ETNPPL: variants seen among roughly 807,000 people sequenced by gnomAD.
The protein encoded by ETNPPL is ethanolamine-phosphate phospho-lyase.
In ETNPPL, 30 loss-of-function variants were observed where a neutral mutation model predicts 55.5. That is an observed-to-expected ratio of 0.54 (90% CI 0.40 to 0.73). The LOEUF (loss-of-function observed/expected upper bound fraction) is 0.73. ETNPPL is among the 30% of genes least tolerant of loss of function. The pLI, the probability that ETNPPL is intolerant of heterozygous loss-of-function variation, is 0.00. For synonymous variants in ETNPPL, 202 were observed against 207.2 expected, an observed-to-expected ratio of 0.98 and a Z score of 0.21; for missense variants, 528 against 607.9, an observed-to-expected ratio of 0.87 and a Z score of 1.38.
intron 7 of ETNPPL, among the ~76,000 whole-genome samples, chr4:108,749,691 A>G (rs1222102152): frequency 6.6e-6 from 1 of 152,108 alleles, no homozygotes; most frequent in Non-Finnish European, 1.5e-5. Flanking sequence ...GGTTTGTGCT[A>G]CTTAAAGTAA....
At chr4:108,745,530 G>T (rs1015537531) in intron 11 of ETNPPL, among the ~76,000 whole-genome samples, 1 of 151,896 alleles carries the variant, frequency 6.6e-6, no homozygotes, top group African/African-American at 2.4e-5. Context: ...GGAGGCGGAG[G>T]TTGCAGTGAG....
At chr4:108,748,283 A>T (rs1462043289) in intron 8 of ETNPPL, 124 bp from the exon 9 acceptor site, 2 of 615,494 alleles carry the variant, frequency 3.2e-6, no homozygotes, top group Admixed American at 3.6e-5. Flanking sequence ...ATGTTCTCTT[A>T]TAATATTAGT....
At chr4:108,762,521 C>T in intron 1 of ETNPPL, 1 of 671,116 alleles carries the variant, frequency 1.5e-6, no homozygotes, top group South Asian at 1.6e-5. Flanking sequence ...ATCTCCCATC[C>T]CTGGAATGGT....
In ETNPPL at chr4:108,744,880, C is replaced by T. The variant is rs186403974; in HGVS notation, c.1304-1024G>A. On this transcript the variant is annotated intron_variant, in intron 11 of 12. Coordinates refer to ENST00000296486, the MANE Select transcript of ETNPPL (RefSeq NM_031279.4). ...CTACAGGCGCACGCACCACCATGTC[C>T]GGCTAATTTTTGTATTTTATTTTTT... 6.6e-5 allele frequency among the ~76,000 whole-genome samples: 10 copies of T among 151,924 alleles called. No individual in the cohort carries two copies. The East Asian group carries it at 1.2e-3, about 18-fold the overall frequency.
chr4:108,754,743 A>T (rs747413312), intron 4 of ETNPPL, 33 bp from the exon 5 acceptor site: 26 of 1,190,028 alleles, frequency 2.2e-5, no homozygotes, highest in African/African-American at 3.0e-5. Flanking sequence ...GCAGTAATCA[A>T]AATAATTCCA....
At chr4:108,746,729 G>T (rs904782688) in intron 10 of ETNPPL, 33 bp downstream of exon 10, 18 of 1,596,304 alleles carry the variant, frequency 1.1e-5, no homozygotes, top group Non-Finnish European at 1.5e-5. Flanking sequence ...CTGCAGCCAA[G>T]ATACCAAACA....
chr4:108,760,077 T>A, intron 2 of ETNPPL, 111 bp downstream of exon 2: 2 of 1,045,024 alleles, frequency 1.9e-6, no homozygotes. Flanking sequence ...ACTGGCCCAC[T>A]CAGCAAAGGA....
chr4:108,750,808 C>T, intron 7 of ETNPPL, 128 bp downstream of exon 7: 1 of 688,672 alleles, frequency 1.5e-6, no homozygotes, highest in South Asian at 1.6e-5. Flanking sequence ...CCTGGGTTGG[C>T]AGGCACTCAG....
chr4:108,758,075 G>A (rs1338031453), intron 3 of ETNPPL, among the ~76,000 whole-genome samples: 1 of 147,352 alleles, frequency 6.8e-6, no homozygotes, highest in Admixed American at 6.9e-5. Flanking sequence ...TGTGATCTTG[G>A]CTCACTGCAA....
At chr4:108,747,891 G>T (rs1214117837) in intron 9 of ETNPPL, 114 bp downstream of exon 9, 37 of 832,196 alleles carry the variant, frequency 4.4e-5, no homozygotes, top group African/African-American at 4.1e-4. Context: ...ACCACACCTG[G>T]CTAATTTTTT....
At chr4:108,751,265 G>A (rs929774842) in intron 6 of ETNPPL, among the ~76,000 whole-genome samples, 1 of 145,400 alleles carries the variant, frequency 6.9e-6, no homozygotes, top group Non-Finnish European at 1.5e-5. Context: ...GGAGATGAGA[G>A]CGCAACTTCC....
At chr4:108,760,784 G>T (rs1208074643) in intron 1 of ETNPPL, among the ~76,000 whole-genome samples, 1 of 152,180 alleles carries the variant, frequency 6.6e-6, no homozygotes, top group African/African-American at 2.4e-5. Context: ...AAGGCACAGA[G>T]AAATTAAGTA....
chr4:108,753,962 C>G (rs1169000766), intron 5 of ETNPPL, among the ~76,000 whole-genome samples: 1 of 145,594 alleles, frequency 6.9e-6, no homozygotes, highest in Non-Finnish European at 1.5e-5. Flanking sequence ...GAGCAATTTA[C>G]TTTTTCTTTT....
chr4:108,743,971 T>G, intron 11 of ETNPPL, 115 bp from the exon 12 acceptor site: 1 of 712,692 alleles, frequency 1.4e-6, no homozygotes, highest in Non-Finnish European at 2.4e-6. Flanking sequence ...TGTTATGTGT[T>G]AAAAGAATGG....
intron 3 of ETNPPL, among the ~76,000 whole-genome samples, chr4:108,758,006 C>CTTTT (rs11307616): frequency 2.7e-4 from 32 of 116,698 alleles, no homozygotes; most frequent in African/African-American, 3.5e-4. Flanking sequence ...ATATTTCTTT[C>CTTTT]TTTTTTTTTT....
intron 3 of ETNPPL, among the ~76,000 whole-genome samples, chr4:108,756,732 A>G (rs1368400277): frequency 1.3e-5 from 2 of 152,172 alleles, no homozygotes; most frequent in African/African-American, 4.8e-5. Flanking sequence ...AGGCCGAGGC[A>G]AGAGAATTGC....
intron 4 of ETNPPL, among the ~76,000 whole-genome samples, chr4:108,755,559 G>A (rs1289895258): frequency 6.6e-6 from 1 of 152,158 alleles, no homozygotes; most frequent in Admixed American, 6.5e-5. Flanking sequence ...GCTCACGCCT[G>A]TAATCCTAGC....
In ETNPPL at chr4:108,747,141, TA is replaced by T. The variant is rs1182832299; in HGVS notation, c.1083-291del. Among the ~76,000 whole-genome samples the T allele has an allele frequency of 2.6e-3, 63 of 23,846 alleles. 9 individuals are homozygous for T. The highest frequency in any genetic ancestry group is 0.011 in the East Asian group (6 of 542). The allele number at this position is 23,846 out of a possible 152,430, so 15.6% of individuals were successfully genotyped here. A position where few individuals can be genotyped will look rare whatever the true frequency, so the allele number is the denominator to read the frequency against. The stretch of plus-strand genomic sequence containing the variant: ...TGTTAACATTATATATATATATATA[TA>T]TATATAATATATATATATATATTAT... On this transcript the variant is annotated intron_variant, in intron 9 of 12. Transcript: ENST00000296486.
chr4:108,743,674 C>G (rs1239610456), intron 12 of ETNPPL, 115 bp downstream of exon 12: 1 of 748,178 alleles, frequency 1.3e-6, no homozygotes, highest in Admixed American at 2.4e-5. Flanking sequence ...GAACCTAATA[C>G]AGGCTGGCAT....
Sources: gnomAD v4.1 joint callset for allele counts (sites outside exome capture counted in the v4.1 genomes callset) on GRCh38, gnomAD v4.1.1 for gene constraint, MANE v1.5 for transcripts, NCBI Gene and HGNC (gene_info 2026-07-23, HGNC 2026-07-21) for gene names.